Variants in CDYL2 observed in about 807,000 individuals in gnomAD.
CDYL2 encodes the protein chromodomain Y like 2.
Under a neutral mutation model 49.4 loss-of-function variants are expected in CDYL2, and 23 were observed. The observed-to-expected ratio is 0.47, with a 90% CI of 0.34 to 0.66. The LOEUF is 0.66. Among genes scored for constraint, CDYL2 ranks in the 30% least tolerant of loss-of-function variants. The pLI, the probability that CDYL2 is intolerant of heterozygous loss-of-function variation, is 0.01. For missense variants in CDYL2, 678 were observed against 656.4 expected (o/e 1.03, Z -0.36); for synonymous variants, 360 against 268.8 (o/e 1.34, Z -3.32).
At chr16:80,678,468 T>G (rs1397172185) in intron 2 of CDYL2, among the ~76,000 whole-genome samples, 2 of 152,000 alleles carry the variant, frequency 1.3e-5, no homozygotes, top group African/African-American at 2.4e-5. Context: ...AACAGACACT[T>G]CTCAAAAGAA....
At chr16:80,625,153 G>C (rs1034493694) in intron 3 of CDYL2, among the ~76,000 whole-genome samples, 1 of 152,234 alleles carries the variant, frequency 6.6e-6, no homozygotes, top group Admixed American at 6.5e-5. Flanking sequence ...CCTTAGGTCA[G>C]ATGTCTGATG....
chr16:80,746,815 A>G (rs1905948149), intron 1 of CDYL2, among the ~76,000 whole-genome samples: 1 of 152,152 alleles, frequency 6.6e-6, no homozygotes, highest in Admixed American at 6.5e-5. Flanking sequence ...ATAACCCATT[A>G]TTGTTGGCTG....
intron 1 of CDYL2, among the ~76,000 whole-genome samples, chr16:80,715,003 C>T (rs1392261005): frequency 1.3e-5 from 2 of 152,222 alleles, no homozygotes; most frequent in Middle Eastern, 3.4e-3. Context: ...GAGACAGAAT[C>T]CCCAGAGAGA....
chr16:80,631,766 T>C (rs1196584452), intron 3 of CDYL2, among the ~76,000 whole-genome samples: 2 of 152,258 alleles, frequency 1.3e-5, no homozygotes, highest in Admixed American at 6.5e-5. Flanking sequence ...AAGAGATAAA[T>C]GACCAATGCA....
At chr16:80,759,256 T>C (rs1204802655) in intron 1 of CDYL2, among the ~76,000 whole-genome samples, 2 of 151,012 alleles carry the variant, frequency 1.3e-5, no homozygotes, top group African/African-American at 4.9e-5. Context: ...GATGTATGCA[T>C]AATTTCTGTG....
At position 80,604,560 on chromosome 16, in the gene CDYL2, G is replaced by C. The variant is rs1462190373; in HGVS notation, c.1363-14C>G. The stretch of plus-strand genomic sequence containing the variant: ...CTCCTCTAACACCTAGAGGGAAATA[G>C]ACAGGCCTGATTAGCCGGGCACCAG... On this transcript the variant is annotated splice_polypyrimidine_tract_variant and intron_variant, in intron 6 of 6. Coordinates refer to ENST00000570137, the MANE Select transcript of CDYL2 (RefSeq NM_152342.4). 2.5e-6 allele frequency: 4 copies of C among 1,614,112 alleles called. No homozygotes were observed. The highest frequency in any genetic ancestry group is 3.4e-6 in the Non-Finnish European group (4 of 1,179,976).
At chr16:80,703,749 C>T (rs913028284) in intron 1 of CDYL2, among the ~76,000 whole-genome samples, 6 of 152,120 alleles carry the variant, frequency 3.9e-5, no homozygotes, top group African/African-American at 9.7e-5. Flanking sequence ...TCCCCTAAGT[C>T]CTGCTGGTTA....
chr16:80,656,972 G>A lies in CDYL2; in HGVS notation c.617-23736C>T, dbSNP rs777457941. On this transcript the variant is annotated intron_variant, in intron 2 of 6. Coordinates refer to ENST00000570137, the MANE Select transcript of CDYL2 (RefSeq NM_152342.4). ...AGTAACCAAGGGATGTGATATCCACGGCTAAGGCTTTATTAGGATCTCAGG... is the reference window on the plus strand; with the variant it reads ...AGTAACCAAGGGATGTGATATCCACAGCTAAGGCTTTATTAGGATCTCAGG... 3.9e-5 allele frequency among the ~76,000 whole-genome samples: 6 copies of A among 152,178 alleles called. No homozygotes were observed. The East Asian group carries it at 9.6e-4, about 24-fold the overall frequency.
intron 1 of CDYL2, among the ~76,000 whole-genome samples, chr16:80,728,344 T>C (rs914987129): frequency 2.6e-5 from 4 of 151,762 alleles, no homozygotes; most frequent in Non-Finnish European, 5.9e-5. Context: ...AGAAAGGGTA[T>C]CAGTGATGGA....
At chr16:80,727,553 G>A (rs1198480267) in intron 1 of CDYL2, among the ~76,000 whole-genome samples, 2 of 152,240 alleles carry the variant, frequency 1.3e-5, no homozygotes, top group Admixed American at 6.5e-5. Flanking sequence ...GCTTGCTTAG[G>A]TAAACAAAGC....
chr16:80,614,425 C>A (rs561662773), intron 4 of CDYL2, among the ~76,000 whole-genome samples: 11 of 152,288 alleles, frequency 7.2e-5, no homozygotes, highest in Admixed American at 2.6e-4. Flanking sequence ...ATTTGCCGAG[C>A]CACAAGATGG....
At chr16:80,627,157 G>T (rs9923974) in intron 3 of CDYL2, among the ~76,000 whole-genome samples, 2 of 152,022 alleles carry the variant, frequency 1.3e-5, no homozygotes, top group Non-Finnish European at 2.9e-5. Context: ...GCCTATCTGG[G>T]TATAAGCAAC....
chr16:80,761,656 G>T lies in CDYL2; in HGVS notation c.24+42494C>A, dbSNP rs185855013. ...GCCAGGAAGACCAGATCTTATAGGAGCCCCCAGGTGACTTAGATGTGAAAG... is the reference window on the plus strand; with the variant it reads ...GCCAGGAAGACCAGATCTTATAGGATCCCCCAGGTGACTTAGATGTGAAAG... On this transcript the variant is annotated intron_variant, in intron 1 of 6. Coordinates refer to ENST00000570137, the MANE Select transcript of CDYL2 (RefSeq NM_152342.4). 4.7e-3 allele frequency among the ~76,000 whole-genome samples: 721 copies of T among 152,052 alleles called. 8 individuals are homozygous for T. The highest frequency in any genetic ancestry group is 0.016 in the African/African-American group (660 of 41,442).
At position 80,758,406 on chromosome 16, in the gene CDYL2, G is replaced by T. The variant is rs181522609; in HGVS notation, c.24+45744C>A. ...TACATCTTGAGGTGGTTTTGCAAGG[G>T]GTTGGGGAGGTAATTTCGAAGTAAG... On this transcript the variant is annotated intron_variant, in intron 1 of 6. Coordinates refer to ENST00000570137, the MANE Select transcript of CDYL2 (RefSeq NM_152342.4). Among the ~76,000 whole-genome samples, 394 of 152,238 alleles carry T rather than the reference G, an allele frequency of 2.6e-3. 7 individuals carry two copies. Among genetic ancestry groups the T allele is most frequent in the Admixed American group, 0.023 (346 of 15,298 alleles).
At position 80,767,838 on chromosome 16, in the gene CDYL2, G is replaced by A. The variant is rs150819572; in HGVS notation, c.24+36312C>T. 4.7e-3 allele frequency among the ~76,000 whole-genome samples: 718 copies of A among 152,264 alleles called. 5 individuals carry two copies. The highest frequency in any genetic ancestry group is 7.3e-3 in the Admixed American group (111 of 15,294). On this transcript the variant is annotated intron_variant, in intron 1 of 6. Coordinates refer to ENST00000570137, the MANE Select transcript of CDYL2 (RefSeq NM_152342.4). ...TTCTAAAAAGTACGAAAAGGAGCTG[G>A]GGTTGAGTTGTCACCAAGTGGCACC...
At chr16:80,730,988 G>C (rs1367987001) in intron 1 of CDYL2, among the ~76,000 whole-genome samples, 1 of 152,108 alleles carries the variant, frequency 6.6e-6, no homozygotes, top group African/African-American at 2.4e-5. Flanking sequence ...AAGGAGGCAA[G>C]AGGAAACATC....
chr16:80,643,775 T>C (rs1908210124), intron 2 of CDYL2, among the ~76,000 whole-genome samples: 1 of 152,204 alleles, frequency 6.6e-6, no homozygotes, highest in African/African-American at 2.4e-5. Context: ...ACCAAGTCCC[T>C]AGGCTGCACA....
At chr16:80,644,700 G>A (rs1908256673) in intron 2 of CDYL2, among the ~76,000 whole-genome samples, 1 of 152,136 alleles carries the variant, frequency 6.6e-6, no homozygotes, top group Non-Finnish European at 1.5e-5. Context: ...ACAGTATGGG[G>A]GAAACTGCCC....
intron 1 of CDYL2, among the ~76,000 whole-genome samples, chr16:80,794,302 T>C (rs964280580): frequency 1.3e-5 from 2 of 152,206 alleles, no homozygotes; most frequent in African/African-American, 4.8e-5. Flanking sequence ...GGTATTTGAC[T>C]GGGGTGACTG....
Sources: gnomAD v4.1 joint callset for allele counts (sites outside exome capture counted in the v4.1 genomes callset) on GRCh38, gnomAD v4.1.1 for gene constraint, MANE v1.5 for transcripts, NCBI Gene and HGNC (gene_info 2026-07-23, HGNC 2026-07-21) for gene names.